The following DPYSL3 variants were observed in gnomAD, a reference collection of about 807,000 sequenced individuals.
DPYSL3 encodes dihydropyrimidinase like 3.
Under a neutral mutation model 66.1 loss-of-function variants are expected in DPYSL3, and 16 were observed. That is an observed-to-expected ratio of 0.24 (90% CI 0.16 to 0.37). The LOEUF is 0.37. Ranked by LOEUF, DPYSL3 falls within the 10% of genes least tolerant of loss-of-function variation. DPYSL3 has a pLI of 1.00. For synonymous variants in DPYSL3, 338 were observed against 345.1 expected (o/e 0.98, Z 0.23); for missense variants, 738 against 916.2 (o/e 0.81, Z 2.51).
rs548829080 is a variant in DPYSL3, at chr5:147,412,491, A to C, written c.963+117T>G. 12 of 994,948 alleles carry C rather than the reference A, an allele frequency of 1.2e-5. No homozygotes were observed. In the South Asian group the frequency reaches 1.6e-4, roughly 13 times the overall value. 61.6% of individuals were successfully genotyped at this position (994,948 alleles called of 1,614,324 possible). A position where few individuals can be genotyped will look rare whatever the true frequency, so the allele number is the denominator to read the frequency against. On this transcript the variant is annotated intron_variant, in intron 6 of 13. Transcript: ENST00000343218. ...GTACCTTGGAGCAGGTTCTGTCTTTAGCAAGGTACTTATGATGGTGCCTTG... is the reference window on the plus strand; with the variant it reads ...GTACCTTGGAGCAGGTTCTGTCTTTCGCAAGGTACTTATGATGGTGCCTTG...
At chr5:147,497,151 C>CA (rs1228284179) in intron 1 of DPYSL3, among the ~76,000 whole-genome samples, 2 of 147,372 alleles carry the variant, frequency 1.4e-5, no homozygotes, top group African/African-American at 2.5e-5. Context: ...ATCACAAGGA[C>CA]AAAAAACCAA....
intron 1 of DPYSL3, among the ~76,000 whole-genome samples, chr5:147,471,245 T>G (rs1438401482): frequency 6.6e-6 from 1 of 152,092 alleles, no homozygotes; most frequent in Non-Finnish European, 1.5e-5. Flanking sequence ...GATTGACCAC[T>G]GTATTAGTAA....
At chr5:147,431,466 A>G (rs58995894) in intron 1 of DPYSL3, among the ~76,000 whole-genome samples, 5,411 of 152,112 alleles carry the variant, frequency 0.036, 221 homozygotes, top group East Asian at 0.13. Flanking sequence ...TGAGGGTGCA[A>G]ACAAGGATTG....
At chr5:147,477,532 C>A (rs1243442529) in intron 1 of DPYSL3, among the ~76,000 whole-genome samples, 6 of 139,650 alleles carry the variant, frequency 4.3e-5, no homozygotes, top group Non-Finnish European at 7.6e-5. Flanking sequence ...ACATTGAGTG[C>A]AGAGAAGGAA....
intron 1 of DPYSL3, among the ~76,000 whole-genome samples, chr5:147,470,700 G>A (rs887141171): frequency 5.9e-5 from 9 of 152,050 alleles, no homozygotes; most frequent in African/African-American, 2.2e-4. Context: ...GGAACTAGGC[G>A]TTCCTTTCTC....
intron 8 of DPYSL3, among the ~76,000 whole-genome samples, chr5:147,403,013 T>C (rs1433304563): frequency 1.3e-5 from 2 of 152,218 alleles, no homozygotes; most frequent in Non-Finnish European, 2.9e-5. Context: ...GTTTGCACTC[T>C]ATGGCCAGGA....
intron 1 of DPYSL3, among the ~76,000 whole-genome samples, chr5:147,489,882 C>T (rs1471210846): frequency 6.6e-6 from 1 of 151,694 alleles, no homozygotes; most frequent in East Asian, 1.9e-4. Flanking sequence ...AATGGGCAAA[C>T]CTTACCATTA....
chr5:147,509,995 C>T lies in DPYSL3; in HGVS notation c.-137G>A, dbSNP rs1753737339. The T allele has an allele frequency of 7.5e-7, 1 of 1,333,076 alleles. No individual in the cohort carries two copies. Among genetic ancestry groups the T allele is most frequent in the Non-Finnish European group, 9.9e-7 (1 of 1,010,812 alleles). The allele number at this position is 1,333,076 out of a possible 1,614,324, so 82.6% of individuals were successfully genotyped here. ...CTTCGCGCCAGAGGCGGCAGTGCTG[C>T]TCCGATTCCTGCTTGTCCCTAGCGA... is the stretch of plus-strand genomic sequence containing the variant. On this transcript the variant is annotated 5_prime_UTR_variant, in exon 1 of 14. Coordinates refer to ENST00000343218, the MANE Select transcript of DPYSL3 (RefSeq NM_001197294.2). The surrounding 1 kb of genome is among the most constrained non-coding windows in gnomAD (Gnocchi z 5.3).
At chr5:147,402,583 G>T (rs898389545) in intron 8 of DPYSL3, among the ~76,000 whole-genome samples, 2 of 136,102 alleles carry the variant, frequency 1.5e-5, no homozygotes, top group Non-Finnish European at 3.0e-5. Flanking sequence ...TCCTGACCTC[G>T]TGATCCGCCC....
chr5:147,502,733 T>G (rs572191762), intron 1 of DPYSL3, among the ~76,000 whole-genome samples: 1 of 152,000 alleles, frequency 6.6e-6, no homozygotes, highest in Non-Finnish European at 1.5e-5. Flanking sequence ...CCTGCCACCA[T>G]GCCCAGCTAA....
intron 1 of DPYSL3, among the ~76,000 whole-genome samples, chr5:147,494,910 T>C: frequency 7.0e-6 from 1 of 142,380 alleles, no homozygotes; most frequent in East Asian, 2.0e-4. Context: ...ATAATAATAA[T>C]AGAATATTAC....
intron 1 of DPYSL3, among the ~76,000 whole-genome samples, chr5:147,457,390 A>G (rs1752867919): frequency 6.6e-6 from 1 of 152,220 alleles, no homozygotes; most frequent in Non-Finnish European, 1.5e-5. Flanking sequence ...GAAATTGCTC[A>G]ATAATTATTA....
intron 1 of DPYSL3, among the ~76,000 whole-genome samples, chr5:147,436,169 C>T (rs985229940): frequency 1.1e-4 from 17 of 152,146 alleles, no homozygotes; most frequent in African/African-American, 3.1e-4. Context: ...ACACCATACA[C>T]GGAGTATGGA....
intron 1 of DPYSL3, among the ~76,000 whole-genome samples, chr5:147,468,807 G>T (rs1441548650): frequency 6.6e-6 from 1 of 152,094 alleles, no homozygotes; most frequent in East Asian, 1.9e-4. Context: ...CATGTGCCAT[G>T]TTGGTGTGCT....
intron 1 of DPYSL3, among the ~76,000 whole-genome samples, chr5:147,470,845 C>G (rs975556324): frequency 1.3e-5 from 2 of 152,178 alleles, no homozygotes; most frequent in Non-Finnish European, 2.9e-5. Flanking sequence ...TTCCAGAAAG[C>G]TTTTTCTGAC....
At chr5:147,487,511 C>T (rs1382012767) in intron 1 of DPYSL3, among the ~76,000 whole-genome samples, 1 of 152,118 alleles carries the variant, frequency 6.6e-6, no homozygotes, top group East Asian at 1.9e-4. Flanking sequence ...ACACCTGTGC[C>T]ACTTTTCTTT....
At chr5:147,407,534 C>T (rs1389278336) in intron 7 of DPYSL3, among the ~76,000 whole-genome samples, 3 of 152,180 alleles carry the variant, frequency 2.0e-5, no homozygotes, top group Non-Finnish European at 2.9e-5. Flanking sequence ...GGTCTCTTCA[C>T]GATGAGTAAA....
chr5:147,507,059 G>A (rs1480227590), intron 1 of DPYSL3, among the ~76,000 whole-genome samples: 1 of 151,994 alleles, frequency 6.6e-6, no homozygotes, highest in Non-Finnish European at 1.5e-5. Context: ...TAGAGATGGA[G>A]CCTCCATCAA....
intron 7 of DPYSL3, among the ~76,000 whole-genome samples, chr5:147,408,296 T>C (rs1203225700): frequency 6.6e-6 from 1 of 152,210 alleles, no homozygotes; most frequent in Non-Finnish European, 1.5e-5. Flanking sequence ...ATTCATTTTA[T>C]ATATGAGAAA....
Sources: allele counts gnomAD v4.1 joint callset (sites outside exome capture counted in the v4.1 genomes callset), GRCh38; gene constraint gnomAD v4.1.1; non-coding constraint Gnocchi (gnomAD v3.1); transcripts MANE v1.5; gene names NCBI Gene and HGNC (gene_info 2026-07-23, HGNC 2026-07-21).